TRAPPC8: variants seen among roughly 807,000 people sequenced by gnomAD.
TRAPPC8 encodes general sporulation gene 1 homolog.
Under a neutral mutation model 174.3 loss-of-function variants are expected in TRAPPC8, and 54 were observed. The ratio of observed to expected loss-of-function variants is 0.31; its 90% CI spans 0.25 to 0.39. TRAPPC8 has a LOEUF of 0.39. Among genes scored for constraint, TRAPPC8 ranks in the 10% least tolerant of loss-of-function variants. The pLI is 1.00. For missense variants in TRAPPC8, 1,531 were observed against 1,699.1 expected (o/e 0.90, Z 1.74); for synonymous variants, 630 against 579.9 (o/e 1.09, Z -1.24).
At chr18:31,904,315 C>G (rs1006235562) in intron 9 of TRAPPC8, among the ~76,000 whole-genome samples, 3 of 151,912 alleles carry the variant, frequency 2.0e-5, no homozygotes, top group Admixed American at 6.6e-5. Flanking sequence ...TTTGAGAGAC[C>G]GAGGTGGGTG....
rs2038417484 is a variant in TRAPPC8, at chr18:31,942,960, T to C, written c.-196A>G. On this transcript the variant is annotated 5_prime_UTR_variant, in exon 1 of 29. Coordinates refer to ENST00000283351, the MANE Select transcript of TRAPPC8 (RefSeq NM_014939.5). ...GGGCACAATCCACTGACCCCCCCCT[T>C]CCCGTCACCGCCGCTTCTCAGCGCT... 9.0e-7 allele frequency: 1 copy of C among 1,116,418 alleles called. No individual in the cohort carries two copies. Among genetic ancestry groups the C allele is most frequent in the Non-Finnish European group, 1.1e-6 (1 of 881,066 alleles). The allele number at this position is 1,116,418 out of a possible 1,614,324, so 69.2% of individuals were successfully genotyped here. A position where few individuals can be genotyped will look rare whatever the true frequency, so the allele number is the denominator to read the frequency against.
chr18:31,848,100 A>T lies in TRAPPC8; in HGVS notation c.3736-1283T>A, dbSNP rs576438570. Among the ~76,000 whole-genome samples, 839 of 152,248 alleles carry T rather than the reference A, an allele frequency of 5.5e-3. 5 individuals are homozygous for T. The highest frequency in any genetic ancestry group is 0.019 in the African/African-American group (798 of 41,540). On this transcript the variant is annotated intron_variant, in intron 25 of 28. Transcript: ENST00000283351. ...ATCCAGAACTCTAACTAAAACAAAC[A>T]AAAATCTACCAGTCACTTTCTCCAT... is the stretch of plus-strand genomic sequence containing the variant.
At position 31,869,815 on chromosome 18, in the gene TRAPPC8, G is replaced by A. The variant is rs748545495; in HGVS notation, c.2388+557C>T. Among the ~76,000 whole-genome samples the A allele has an allele frequency of 1.2e-4, 18 of 152,308 alleles. 1 individual carries two copies. The highest frequency in any genetic ancestry group is 6.2e-4 in the South Asian group (3 of 4,830). On this transcript the variant is annotated intron_variant, in intron 16 of 28. Transcript: ENST00000283351. ...AATGAAAATAACTGGAAGGCCGGGCGCGGTGGCTCATGCCTGTAATCCCAG... is the reference window on the plus strand; with the variant it reads ...AATGAAAATAACTGGAAGGCCGGGCACGGTGGCTCATGCCTGTAATCCCAG...
At chr18:31,859,419 T>C (rs1044787235) in intron 19 of TRAPPC8, among the ~76,000 whole-genome samples, 4 of 152,206 alleles carry the variant, frequency 2.6e-5, no homozygotes, top group Non-Finnish European at 4.4e-5. Context: ...GACATAGCAT[T>C]ATACTGAAGA....
chr18:31,890,922 A>G, intron 11 of TRAPPC8, 56 bp from the exon 12 acceptor site: 1 of 1,510,660 alleles, frequency 6.6e-7, no homozygotes. Context: ...AAGTAAATAG[A>G]TAACTAGTGA....
intron 1 of TRAPPC8, among the ~76,000 whole-genome samples, chr18:31,936,303 ATTTT>A (rs1229924426): frequency 2.7e-5 from 4 of 149,918 alleles, no homozygotes; most frequent in African/African-American, 9.8e-5. Flanking sequence ...TACAAAAAAA[ATTTT>A]TTTTTTAATT....
In TRAPPC8 at chr18:31,844,570, C is replaced by CT. The variant is rs139818680; in HGVS notation, c.3837+2145dup. On this transcript the variant is annotated intron_variant, in intron 26 of 28. Transcript: ENST00000283351. ...AATACAAGCTATTTATTTGAGACTT[C>CT]TAAATTATACTGAATACATTTCTAT... 3.9e-3 allele frequency: 594 copies of CT among 152,164 alleles called. 1 individual carries two copies. The highest frequency in any genetic ancestry group is 0.013 in the African/African-American group (525 of 41,538). 9.4% of individuals were successfully genotyped at this position (152,164 alleles called of 1,614,324 possible).
At chr18:31,935,811 C>T (rs2038072402) in intron 1 of TRAPPC8, among the ~76,000 whole-genome samples, 1 of 151,670 alleles carries the variant, frequency 6.6e-6, no homozygotes, top group Admixed American at 6.6e-5. Flanking sequence ...TTTCAACTCA[C>T]TGCAACCTCC....
intron 9 of TRAPPC8, among the ~76,000 whole-genome samples, chr18:31,905,697 A>C (rs540215080): frequency 5.9e-5 from 9 of 152,316 alleles, no homozygotes; most frequent in Middle Eastern, 3.4e-3. Context: ...CTTTTCTCAG[A>C]AGCCCATTAT....
At chr18:31,861,842 CTT>C (rs1236551097) in intron 19 of TRAPPC8, among the ~76,000 whole-genome samples, 1 of 143,448 alleles carries the variant, frequency 7.0e-6, no homozygotes, top group Non-Finnish European at 1.5e-5. Flanking sequence ...AGGAAGAACA[CTT>C]GAGTCCAGGA....
chr18:31,916,950 AT>A (rs1168991510), intron 3 of TRAPPC8, among the ~76,000 whole-genome samples: 1 of 151,790 alleles, frequency 6.6e-6, no homozygotes, highest in Admixed American at 6.6e-5. Flanking sequence ...ATTCTAACAG[AT>A]TTTTTTTGTT....
intron 25 of TRAPPC8, 53 bp from the exon 26 acceptor site, chr18:31,846,870 G>A: frequency 7.6e-7 from 1 of 1,309,028 alleles, no homozygotes; most frequent in Admixed American, 1.8e-5. Context: ...AACCTCTAAA[G>A]TAACCAACCC....
Position 31,942,720 on chromosome 18 carries a change from G to A in TRAPPC8, c.45C>T (p.Ser15=), listed in dbSNP as rs758351972. Residue 15 remains serine (S), a synonymous_variant, in exon 1 of 29, where the codon TCC becomes TCT. Coordinates refer to ENST00000283351, the MANE Select transcript of TRAPPC8 (RefSeq NM_014939.5). ...VQSVQELIPD[S]FVPCVAALCS... ...ACAGCGCAGCGACACAGGGGACGAA[G>A]GAGTCCGGGATTAGCTCCTGCACTG... The A allele has an allele frequency of 5.6e-6, 9 of 1,606,142 alleles. No individual in the cohort carries two copies. The highest frequency in any genetic ancestry group is 1.1e-5 in the South Asian group (1 of 90,020).
At chr18:31,863,940 C>A (rs2034455966) in intron 19 of TRAPPC8, among the ~76,000 whole-genome samples, 1 of 150,776 alleles carries the variant, frequency 6.6e-6, no homozygotes, top group African/African-American at 2.4e-5. Context: ...GGAGCTTCTG[C>A]CACTTCTTGT....
Position 31,942,775 on chromosome 18 carries a change from C to A in TRAPPC8, c.-11G>T, listed in dbSNP as rs750624793. On this transcript the variant is annotated 5_prime_UTR_variant, in exon 1 of 29. Transcript: ENST00000283351. ...TACACACTGGGCCATCGCCGCAGCA[C>A]AGGCAGCGGCGGCGCCCGCCCTCCG... The A allele has an allele frequency of 7.0e-7, 1 of 1,424,306 alleles. No individual in the cohort carries two copies. The highest frequency in any genetic ancestry group is 9.3e-7 in the Non-Finnish European group (1 of 1,080,196). The allele number at this position is 1,424,306 out of a possible 1,614,324, so 88.2% of individuals were successfully genotyped here.
In TRAPPC8 at chr18:31,838,864, T is replaced by C. The variant is rs894521151; in HGVS notation, c.3983+448A>G. Among the ~76,000 whole-genome samples the C allele has an allele frequency of 2.0e-5, 3 of 152,190 alleles. No homozygotes were observed. The East Asian group carries it at 5.8e-4, about 29-fold the overall frequency. On this transcript the variant is annotated intron_variant, in intron 27 of 28. Transcript: ENST00000283351. ...CTTTTTCCTTAGCTTCTTTCTCAGATGTTACTGTTCCACAGGTCACCATCC... is the reference window on the plus strand; with the variant it reads ...CTTTTTCCTTAGCTTCTTTCTCAGACGTTACTGTTCCACAGGTCACCATCC...
intron 2 of TRAPPC8, among the ~76,000 whole-genome samples, chr18:31,930,381 A>G (rs2037798810): frequency 1.3e-5 from 2 of 152,102 alleles, no homozygotes; most frequent in South Asian, 4.1e-4. Flanking sequence ...CGGCCTCCCA[A>G]AGTGCTGGGA....
chr18:31,919,451 T>A (rs1317831379), intron 2 of TRAPPC8, among the ~76,000 whole-genome samples: 1 of 151,368 alleles, frequency 6.6e-6, no homozygotes, highest in Non-Finnish European at 1.5e-5. Flanking sequence ...GAGAATCACT[T>A]GAACCCAGGA....
At chr18:31,918,770 TAAA>T (rs1452874343) in intron 2 of TRAPPC8, among the ~76,000 whole-genome samples, 1 of 152,228 alleles carries the variant, frequency 6.6e-6, no homozygotes, top group Non-Finnish European at 1.5e-5. Context: ...ATGTGATTCT[TAAA>T]AAGTCAACTC....
Sources: gnomAD v4.1 joint callset for allele counts (sites outside exome capture counted in the v4.1 genomes callset) on GRCh38, gnomAD v4.1.1 for gene constraint, MANE v1.5 for transcripts, NCBI Gene and HGNC (gene_info 2026-07-23, HGNC 2026-07-21) for gene names.